Variants in CSMD1 observed in about 807,000 individuals in gnomAD.
CSMD1 encodes the protein CUB and sushi domain-containing protein 1.
Under a neutral mutation model 417.5 loss-of-function variants are expected in CSMD1, and 213 were observed. The ratio of observed to expected loss-of-function variants is 0.51; its 90% confidence interval spans 0.46 to 0.57. The LOEUF (loss-of-function observed/expected upper bound fraction) is 0.57. Ranked by LOEUF, CSMD1 falls within the 20% of genes least tolerant of loss-of-function variation. The probability of loss-of-function intolerance (pLI) is 0.00; values close to 1 mark genes in which losing one functional copy is unlikely to be tolerated. For synonymous variants in CSMD1, 2,862 were observed against 1,736.8 expected (o/e 1.65, Z -16.11); for missense variants, 6,923 against 4,529.7 (o/e 1.53, Z -15.17).
rs575971772 is a variant in CSMD1 at position 3,185,029 on chromosome 8, A to G, written c.5620+2840T>C. Reference sequence around the variant, plus strand: ...TAGTCTTAATCATATGTATAAGTCCATTGCTTTCTCAAGTTCCGTGAGGTA... The same window carrying G: ...TAGTCTTAATCATATGTATAAGTCCGTTGCTTTCTCAAGTTCCGTGAGGTA... On this transcript the variant is annotated intron_variant, in intron 36 of 69. Transcript: ENST00000635120. Among the ~76,000 whole-genome samples, 471 of 152,280 alleles carry G rather than the reference A, an allele frequency of 3.1e-3. 1 individual carries two copies. The highest frequency in any genetic ancestry group is 5.7e-3 in the Non-Finnish European group (390 of 68,024).
At chr8:3,850,975 G>T (rs1356857699) in intron 5 of CSMD1, among the ~76,000 whole-genome samples, 1 of 152,178 alleles carries the variant, frequency 6.6e-6, no homozygotes. Context: ...TAACAGATGA[G>T]TATAATAAGT....
At chr8:3,441,960 C>CT (rs1815012752) in intron 12 of CSMD1, among the ~76,000 whole-genome samples, 1 of 151,854 alleles carries the variant, frequency 6.6e-6, no homozygotes, top group African/African-American at 2.4e-5. Context: ...GCCCCGAAGA[C>CT]TTTCCAGTGG....
At chr8:4,110,717 C>T (rs943099573) in intron 3 of CSMD1, among the ~76,000 whole-genome samples, 1 of 151,508 alleles carries the variant, frequency 6.6e-6, no homozygotes, top group African/African-American at 2.4e-5. Context: ...GTTTTTTTTC[C>T]CCTTTCTCAT....
At chr8:4,116,397 G>C (rs1010302387) in intron 3 of CSMD1, among the ~76,000 whole-genome samples, 1 of 151,938 alleles carries the variant, frequency 6.6e-6, no homozygotes, top group African/African-American at 2.4e-5. Flanking sequence ...ACCACACCAT[G>C]AATGAACCCT....
intron 2 of CSMD1, among the ~76,000 whole-genome samples, chr8:4,438,242 G>C (rs747880917): frequency 3.3e-5 from 5 of 152,158 alleles, no homozygotes; most frequent in Non-Finnish European, 5.9e-5. Flanking sequence ...AAGCCGTCTT[G>C]TTTTTAGAGT....
intron 1 of CSMD1, among the ~76,000 whole-genome samples, chr8:4,731,117 T>C (rs868717411): frequency 3.3e-5 from 5 of 152,170 alleles, no homozygotes; most frequent in African/African-American, 7.2e-5. Context: ...GATTTGCCCA[T>C]ATGAGAAACC....
chr8:2,998,261 C>G (rs888342703), intron 53 of CSMD1, 77 bp from the exon 54 acceptor site: 1 of 1,429,004 alleles, frequency 7.0e-7, no homozygotes, highest in Middle Eastern at 1.8e-4. Flanking sequence ...TAATAAGAAA[C>G]ATGCAGGCAT....
chr8:3,551,993 AGAAACAG>A (rs1798936259), intron 10 of CSMD1, among the ~76,000 whole-genome samples: 2 of 152,210 alleles, frequency 1.3e-5, no homozygotes, highest in African/African-American at 4.8e-5. Context: ...TCACAGTGGC[AGAAACAG>A]GAACTCGAGA....
At chr8:3,516,114 G>A (rs1380195626) in intron 10 of CSMD1, among the ~76,000 whole-genome samples, 1 of 152,180 alleles carries the variant, frequency 6.6e-6, no homozygotes, top group Admixed American at 6.5e-5. Flanking sequence ...TGGTCTCACA[G>A]AAAGAGGAGG....
chr8:4,658,170 C>T (rs776002638), intron 1 of CSMD1, among the ~76,000 whole-genome samples: 3 of 151,916 alleles, frequency 2.0e-5, no homozygotes, highest in Non-Finnish European at 4.4e-5. Flanking sequence ...AAAGAGAAAG[C>T]AGCAGAAATA....
chr8:3,300,975 AAAAAAAGAG>A (rs1804352441), intron 25 of CSMD1, among the ~76,000 whole-genome samples: 1 of 145,688 alleles, frequency 6.9e-6, no homozygotes, highest in Non-Finnish European at 1.5e-5. Flanking sequence ...AAAAAAAAAA[AAAAAAAGAG>A]AAAGAAAAAT....
At chr8:4,274,661 TTAAAA>T (rs1463049135) in intron 3 of CSMD1, among the ~76,000 whole-genome samples, 4 of 152,176 alleles carry the variant, frequency 2.6e-5, no homozygotes, top group South Asian at 2.1e-4. Context: ...TTAAATTTAC[TTAAAA>T]TAAAATTAAA....
intron 1 of CSMD1, among the ~76,000 whole-genome samples, chr8:4,957,795 CA>C (rs1200229610): frequency 6.6e-6 from 1 of 152,106 alleles, no homozygotes; most frequent in Non-Finnish European, 1.5e-5. Context: ...CTGACTAGGA[CA>C]GGGGTGTACT....
chr8:3,641,060 C>T lies in CSMD1; in HGVS notation c.1010-24263G>A, dbSNP rs1385752941. The stretch of plus-strand genomic sequence containing the variant: ...TTTTTTTTTTTTTGTGAATAATGTC[C>T]TCAAAAGTTGTAATGATTCAGGACT... On this transcript the variant is annotated intron_variant, in intron 7 of 69. Transcript: ENST00000635120. 4.0e-5 allele frequency among the ~76,000 whole-genome samples: 5 copies of T among 126,406 alleles called. No homozygotes were observed. The East Asian group carries it at 6.6e-4, about 17-fold the overall frequency. 82.9% of individuals were successfully genotyped at this position (126,406 alleles called of 152,430 possible). A position where few individuals can be genotyped will look rare whatever the true frequency, so the allele number is the denominator to read the frequency against.
chr8:4,884,991 CTATT>C (rs1167300443), intron 1 of CSMD1, among the ~76,000 whole-genome samples: 13 of 152,200 alleles, frequency 8.5e-5, no homozygotes, highest in South Asian at 4.1e-4. Context: ...GTATTTCATC[CTATT>C]TATTTAGGTC....
intron 5 of CSMD1, among the ~76,000 whole-genome samples, chr8:3,852,865 C>T (rs758824027): frequency 3.9e-5 from 6 of 152,062 alleles, no homozygotes; most frequent in Non-Finnish European, 8.8e-5. Flanking sequence ...AGAATCAATC[C>T]CTCCAGCATC....
At chr8:3,990,062 T>C (rs757857680) in intron 5 of CSMD1, among the ~76,000 whole-genome samples, 62 of 152,184 alleles carry the variant, frequency 4.1e-4, no homozygotes, top group Admixed American at 3.9e-4. Flanking sequence ...TGAGAATGAC[T>C]AAAATGGAGT....
intron 25 of CSMD1, among the ~76,000 whole-genome samples, chr8:3,305,059 A>AGTC (rs1438152552): frequency 2.0e-5 from 3 of 152,274 alleles, no homozygotes; most frequent in Non-Finnish European, 4.4e-5. Flanking sequence ...TAATTTATTT[A>AGTC]CTTAAGACTG....
intron 1 of CSMD1, among the ~76,000 whole-genome samples, chr8:4,751,440 G>C (rs889537144): frequency 2.6e-5 from 4 of 152,050 alleles, no homozygotes; most frequent in Admixed American, 6.6e-5. Flanking sequence ...AAATTAATTT[G>C]ATTTCCTCAG....
Sources: allele counts gnomAD v4.1 joint callset (sites outside exome capture counted in the v4.1 genomes callset), GRCh38; gene constraint gnomAD v4.1.1; transcripts MANE v1.5; gene names NCBI Gene and HGNC (gene_info 2026-07-23, HGNC 2026-07-21).